The following PTPRN2 variants were observed in gnomAD, a reference collection of about 807,000 sequenced individuals.
PTPRN2 encodes protein tyrosine phosphatase receptor type N2, also known as receptor-type tyrosine-protein phosphatase N2.
Under a neutral mutation model 118.8 loss-of-function variants are expected in PTPRN2, and 74 were observed. That is an observed-to-expected ratio of 0.62 (90% CI 0.52 to 0.76). The LOEUF (loss-of-function observed/expected upper bound fraction) is 0.76. Among genes scored for constraint, PTPRN2 ranks in the 30% least tolerant of loss-of-function variants. PTPRN2 has a pLI of 0.00. For missense variants in PTPRN2, 1,481 were observed against 1,394.4 expected (o/e 1.06, Z -0.99); for synonymous variants, 641 against 608.0 (o/e 1.05, Z -0.80).
intron 3 of PTPRN2, among the ~76,000 whole-genome samples, chr7:158,226,865 C>G (rs1400548959): frequency 6.6e-6 from 1 of 152,124 alleles, no homozygotes; most frequent in Middle Eastern, 3.2e-3. Flanking sequence ...CACCCTAAAA[C>G]TCTCTCAGGG....
At chr7:157,972,492 G>T (rs1802405164) in intron 11 of PTPRN2, among the ~76,000 whole-genome samples, 1 of 151,508 alleles carries the variant, frequency 6.6e-6, no homozygotes, top group Admixed American at 6.6e-5. Flanking sequence ...CGAGAGCAGG[G>T]CTTCAGAGAC....
chr7:158,330,758 A>C (rs1586295699), intron 2 of PTPRN2, among the ~76,000 whole-genome samples: 2 of 112,012 alleles, frequency 1.8e-5, no homozygotes, highest in South Asian at 3.5e-4. Context: ...CACTCTCACC[A>C]TAAGAGCTGA....
intron 2 of PTPRN2, among the ~76,000 whole-genome samples, chr7:158,345,787 C>T (rs1807466415): frequency 6.6e-6 from 1 of 152,114 alleles, no homozygotes; most frequent in Non-Finnish European, 1.5e-5. Flanking sequence ...CTCACAGTTC[C>T]ACAGGGCTGG....
At chr7:158,036,256 A>G (rs1808083937) in intron 11 of PTPRN2, among the ~76,000 whole-genome samples, 1 of 152,218 alleles carries the variant, frequency 6.6e-6, no homozygotes, top group Admixed American at 6.5e-5. Flanking sequence ...GAAAAAAAAC[A>G]AAAACACAAA....
chr7:158,560,692 C>T (rs1406819033), intron 1 of PTPRN2, among the ~76,000 whole-genome samples: 4 of 152,346 alleles, frequency 2.6e-5, no homozygotes, highest in South Asian at 2.1e-4. Context: ...GGCACATGGG[C>T]GGCACTTTTC....
At chr7:158,023,413 T>A (rs1235345392) in intron 11 of PTPRN2, among the ~76,000 whole-genome samples, 1 of 152,114 alleles carries the variant, frequency 6.6e-6, no homozygotes, top group Non-Finnish European at 1.5e-5. Flanking sequence ...TGGCCTCTAC[T>A]GTGGCTGTGT....
Position 157,784,139 on chromosome 7 carries a change from C to G in PTPRN2, c.1789-101202G>C, listed in dbSNP as rs1452200890. 6.6e-6 allele frequency among the ~76,000 whole-genome samples: 1 copy of G among 152,152 alleles called. No individual in the cohort carries two copies. Among genetic ancestry groups the G allele is most frequent in the Admixed American group, 6.5e-5 (1 of 15,282 alleles). On this transcript the variant is annotated intron_variant, in intron 12 of 22. Transcript: ENST00000389418. The surrounding 1 kb of genome is among the most constrained non-coding windows in gnomAD (Gnocchi z 4.6). ...TGCTTCCAGGGACTATTCCTAAATT[C>G]TGCTTGTGGGCAGGGCACAGGCAGC...
chr7:158,571,521 A>ATTTTTTT (rs1563446712), intron 1 of PTPRN2, among the ~76,000 whole-genome samples: 1 of 119,666 alleles, frequency 8.4e-6, no homozygotes. Flanking sequence ...ACACACACCT[A>ATTTTTTT]TTTCTTTTTT....
In PTPRN2 at chr7:158,281,391, T is replaced by C. The variant is rs568669990; in HGVS notation, c.277+35428A>G. 3.7e-4 allele frequency among the ~76,000 whole-genome samples: 57 copies of C among 152,204 alleles called. 1 individual carries two copies. In the South Asian group the frequency reaches 0.011, roughly 28 times the overall value. Reference sequence around the variant, plus strand: ...CATACTCCTAAATAACAAAGGCAAATAGGAATACCAGGAGTGCATGCTTTG... The same window carrying C: ...CATACTCCTAAATAACAAAGGCAAACAGGAATACCAGGAGTGCATGCTTTG... On this transcript the variant is annotated intron_variant, in intron 3 of 22. Transcript: ENST00000389418.
intron 9 of PTPRN2, among the ~76,000 whole-genome samples, chr7:158,130,339 T>C (rs1004979845): frequency 6.6e-6 from 1 of 152,062 alleles, no homozygotes; most frequent in South Asian, 2.1e-4. Context: ...ATCATACTGA[T>C]ACACATCTAC....
At chr7:157,691,485 G>A (rs894659021) in intron 12 of PTPRN2, among the ~76,000 whole-genome samples, 2 of 152,190 alleles carry the variant, frequency 1.3e-5, no homozygotes, top group Non-Finnish European at 2.9e-5. Context: ...GTAGACGAGA[G>A]CCCCTCTGCT....
chr7:157,926,411 G>A (rs1483093915), intron 11 of PTPRN2, among the ~76,000 whole-genome samples: 2 of 152,250 alleles, frequency 1.3e-5, no homozygotes, highest in Non-Finnish European at 2.9e-5. Context: ...CATCTACTAT[G>A]TGCCAGTTCT....
chr7:157,733,982 T>C (rs71541697), intron 12 of PTPRN2, among the ~76,000 whole-genome samples: 2 of 61,392 alleles, frequency 3.3e-5, no homozygotes, highest in African/African-American at 6.9e-5. Flanking sequence ...TCCCGTCCCA[T>C]GCGCCCAGCA....
chr7:158,511,528 G>A (rs1689416342), intron 1 of PTPRN2, among the ~76,000 whole-genome samples: 1 of 152,182 alleles, frequency 6.6e-6, no homozygotes, highest in Non-Finnish European at 1.5e-5. Context: ...ATCCACACAG[G>A]CTGGTGCCAT....
At chr7:157,747,067 G>C (rs1195435561) in intron 12 of PTPRN2, among the ~76,000 whole-genome samples, 5 of 142,706 alleles carry the variant, frequency 3.5e-5, no homozygotes, top group African/African-American at 1.4e-4. Context: ...GGGGTGTCCG[G>C]GTGATTCTGA....
chr7:158,282,490 G>A (rs570698359), intron 3 of PTPRN2, among the ~76,000 whole-genome samples: 9 of 152,334 alleles, frequency 5.9e-5, no homozygotes, highest in South Asian at 4.1e-4. Context: ...AGGAAGCCGC[G>A]GGCAGAGCAG....
chr7:158,045,761 A>C (rs375338824), intron 11 of PTPRN2, among the ~76,000 whole-genome samples: 7 of 118,856 alleles, frequency 5.9e-5, no homozygotes, highest in African/African-American at 1.9e-4. Context: ...CGATCCTGGC[A>C]TCCTGACACT....
chr7:158,491,387 G>C (rs982165411), intron 1 of PTPRN2, among the ~76,000 whole-genome samples: 11 of 152,206 alleles, frequency 7.2e-5, no homozygotes, highest in African/African-American at 2.7e-4. Context: ...GTCACAGGCG[G>C]GTGGACACCC....
intron 12 of PTPRN2, among the ~76,000 whole-genome samples, chr7:157,747,547 G>T (rs1269270535): frequency 1.9e-5 from 2 of 104,232 alleles, no homozygotes; most frequent in Non-Finnish European, 1.9e-5. Context: ...TCCCTGAGCT[G>T]TGGGCTGTTG....
Sources: allele counts gnomAD v4.1 joint callset (sites outside exome capture counted in the v4.1 genomes callset), GRCh38; gene constraint gnomAD v4.1.1; non-coding constraint Gnocchi (gnomAD v3.1); transcripts MANE v1.5; gene names NCBI Gene and HGNC (gene_info 2026-07-23, HGNC 2026-07-21).